The following ESRRG variants were observed in gnomAD, a reference collection of about 807,000 sequenced individuals.
ESRRG encodes estrogen-related receptor gamma.
Under a neutral mutation model 44.0 loss-of-function variants are expected in ESRRG, and 13 were observed. That is an observed-to-expected ratio of 0.30 (90% CI 0.19 to 0.47). The LOEUF (loss-of-function observed/expected upper bound fraction) is 0.47. Ranked by LOEUF, ESRRG falls within the 20% of genes least tolerant of loss-of-function variation. The pLI is 1.00. For synonymous variants in ESRRG, 215 were observed against 214.6 expected (o/e 1.00, Z -0.02); for missense variants, 395 against 580.6 (o/e 0.68, Z 3.29).
At chr1:216,627,388 T>C (rs2063362613) in intron 3 of ESRRG, among the ~76,000 whole-genome samples, 1 of 152,128 alleles carries the variant, frequency 6.6e-6, no homozygotes, top group African/African-American at 2.4e-5. Context: ...TTGTATCTGG[T>C]TTTTACTCTC....
intron 2 of ESRRG, among the ~76,000 whole-genome samples, chr1:216,656,506 C>T (rs973582619): frequency 1.3e-5 from 2 of 152,130 alleles, no homozygotes; most frequent in Non-Finnish European, 1.5e-5. Flanking sequence ...TCACTTACTG[C>T]TTAATAGAAT....
At position 216,507,010 on chromosome 1, in the gene ESRRG, A is replaced by G; in HGVS notation, c.1306T>C (p.Tyr436His). Residue 436 changes from tyrosine to histidine, a missense_variant, in exon 7 of 7, where the codon TAC becomes CAC. Around this residue, in one of 5 missense-constraint regions of ESRRG, gnomAD observed 167 missense variants for 251.8 expected, o/e 0.66. Coordinates refer to ENST00000408911, the MANE Select transcript of ESRRG (RefSeq NM_001438.4). ...QTSTKAVQHF[Y>H]NIKLEGKVPM... Reference sequence around the variant, plus strand: ...ACTTTGCCTTCTAGTTTGATGTTGTAGAAATGCTGCACGGCCTTGGTAGAG... The same window carrying G: ...ACTTTGCCTTCTAGTTTGATGTTGTGGAAATGCTGCACGGCCTTGGTAGAG... The G allele has an allele frequency of 6.2e-7, 1 of 1,614,188 alleles. No homozygotes were observed. Among genetic ancestry groups the G allele is most frequent in the Non-Finnish European group, 8.5e-7 (1 of 1,180,020 alleles).
chr1:216,602,560 T>C (rs531300848), intron 3 of ESRRG, among the ~76,000 whole-genome samples: 42 of 152,298 alleles, frequency 2.8e-4, no homozygotes, highest in African/African-American at 9.4e-4. Flanking sequence ...ACTTTGGCCA[T>C]TTTAACACCA....
At chr1:216,579,011 A>T (rs1038512211) in intron 3 of ESRRG, among the ~76,000 whole-genome samples, 2 of 152,184 alleles carry the variant, frequency 1.3e-5, no homozygotes, top group African/African-American at 2.4e-5. Flanking sequence ...TAAATGATGT[A>T]TATTCATTAA....
intron 2 of ESRRG, among the ~76,000 whole-genome samples, chr1:216,933,661 T>C (rs188457161): frequency 2.7e-4 from 41 of 152,316 alleles, no homozygotes; most frequent in African/African-American, 9.1e-4. Context: ...GCAGTATTTA[T>C]TACTTTTGGT....
chr1:217,018,852 G>A (rs1261104358), intron 1 of ESRRG, among the ~76,000 whole-genome samples: 2 of 152,132 alleles, frequency 1.3e-5, no homozygotes, highest in South Asian at 2.1e-4. Flanking sequence ...ACATTGCCAC[G>A]TGGACCGCAT....
chr1:217,014,806 T>C (rs2079107701), intron 1 of ESRRG, among the ~76,000 whole-genome samples: 1 of 152,192 alleles, frequency 6.6e-6, no homozygotes, highest in South Asian at 2.1e-4. Flanking sequence ...TTATCTCTAT[T>C]CATTTATTTA....
intron 2 of ESRRG, among the ~76,000 whole-genome samples, chr1:216,806,065 A>G (rs2094782492): frequency 6.6e-6 from 1 of 152,186 alleles, no homozygotes; most frequent in African/African-American, 2.4e-5. Context: ...ACTTCAGACT[A>G]CTGTTAACAT....
At chr1:216,754,513 G>A (rs965053421) in intron 2 of ESRRG, among the ~76,000 whole-genome samples, 8 of 151,798 alleles carry the variant, frequency 5.3e-5, no homozygotes, top group African/African-American at 1.7e-4. Flanking sequence ...AGATTTACCA[G>A]CAACTGTTAA....
intron 6 of ESRRG, among the ~76,000 whole-genome samples, chr1:216,509,479 C>A (rs1411683124): frequency 2.0e-5 from 3 of 152,118 alleles, no homozygotes; most frequent in African/African-American, 7.2e-5. Context: ...CATGGCATAT[C>A]TTTAAGTGCT....
At chr1:216,850,724 A>T (rs994787926) in intron 2 of ESRRG, among the ~76,000 whole-genome samples, 1 of 152,040 alleles carries the variant, frequency 6.6e-6, no homozygotes, top group African/African-American at 2.4e-5. Flanking sequence ...TCTTCCTGTG[A>T]TCTGTAATAA....
intron 5 of ESRRG, among the ~76,000 whole-genome samples, chr1:216,546,275 T>C (rs1448936616): frequency 6.6e-6 from 1 of 152,084 alleles, no homozygotes; most frequent in Non-Finnish European, 1.5e-5. Context: ...TGTGATGATG[T>C]AAAACATTTT....
chr1:216,707,417 A>T (rs758561820), intron 1 of ESRRG: 2 of 1,535,926 alleles, frequency 1.3e-6, no homozygotes, highest in Admixed American at 3.9e-5. Context: ...CCCCAATCAC[A>T]TTCTCGCCAC....
chr1:216,576,633 G>C (rs1251851296), intron 3 of ESRRG, among the ~76,000 whole-genome samples: 1 of 152,000 alleles, frequency 6.6e-6, no homozygotes, highest in Non-Finnish European at 1.5e-5. Context: ...CAATGTGATT[G>C]ACTGCTCTTA....
Position 216,907,701 on chromosome 1 carries a change from G to A in ESRRG, c.-14+31881C>T, listed in dbSNP as rs181616103. Among the ~76,000 whole-genome samples, 370 of 152,262 alleles carry A rather than the reference G, an allele frequency of 2.4e-3. 2 individuals carry two copies. The highest frequency in any genetic ancestry group is 7.7e-3 in the African/African-American group (319 of 41,554). On this transcript the variant is annotated intron_variant, in intron 2 of 7. Coordinates refer to the ESRRG transcript ENST00000359162. ...ATATACCAGGCATATCTAAATTCTAGATGCATCTTTTTAAAGAGTGCATAA... is the reference window on the plus strand; with the variant it reads ...ATATACCAGGCATATCTAAATTCTAAATGCATCTTTTTAAAGAGTGCATAA...
chr1:216,662,533 A>G (rs764816994), intron 2 of ESRRG, among the ~76,000 whole-genome samples: 5 of 152,112 alleles, frequency 3.3e-5, no homozygotes, highest in Non-Finnish European at 5.9e-5. Flanking sequence ...GTATACCTGA[A>G]CTGTCTTCTA....
Position 216,926,185 on chromosome 1 carries a change from C to T in ESRRG, c.-14+13397G>A, listed in dbSNP as rs149144926. On this transcript the variant is annotated intron_variant, in intron 2 of 7. Transcript: ENST00000359162. The stretch of plus-strand genomic sequence containing the variant: ...TTAGAACACAGATGCCAGGCCCCTG[C>T]CCTCGAGCTGCTGCTTCCGCAGATC... Among the ~76,000 whole-genome samples the T allele has an allele frequency of 6.2e-4, 95 of 152,256 alleles. 1 individual carries two copies. The Middle Eastern group carries it at 0.014, about 22-fold the overall frequency.
chr1:216,962,486 T>C (rs911423149), intron 1 of ESRRG, among the ~76,000 whole-genome samples: 1 of 152,224 alleles, frequency 6.6e-6, no homozygotes, highest in Non-Finnish European at 1.5e-5. Context: ...CATTTCAGGC[T>C]ACAAATTTAA....
intron 1 of ESRRG, among the ~76,000 whole-genome samples, chr1:216,946,521 C>A (rs1486919019): frequency 1.3e-5 from 2 of 152,144 alleles, no homozygotes; most frequent in Admixed American, 6.5e-5. Context: ...TCAAACTGAT[C>A]ATTACATGGG....
Sources: allele counts gnomAD v4.1 joint callset (sites outside exome capture counted in the v4.1 genomes callset), GRCh38; gene constraint gnomAD v4.1.1; regional missense constraint gnomAD v4.1.1; transcripts MANE v1.5; gene names NCBI Gene and HGNC (gene_info 2026-07-23, HGNC 2026-07-21).